Variants in EYS observed in about 807,000 individuals in gnomAD.
EYS encodes the protein protein eyes shut homolog.
Under a neutral mutation model 282.1 loss-of-function variants are expected in EYS, and 250 were observed. The ratio of observed to expected loss-of-function variants is 0.89; its 90% confidence interval spans 0.80 to 0.98. The LOEUF is 0.98. Ranked by LOEUF, EYS falls within the 50% of genes least tolerant of loss-of-function variation. EYS has a pLI of 0.00. For synonymous variants in EYS, 1,355 were observed against 1,282.9 expected (o/e 1.06, Z -1.20); for missense variants, 4,016 against 3,709.0 (o/e 1.08, Z -2.15).
At chr6:65,156,202 T>C (rs1764724241) in intron 12 of EYS, among the ~76,000 whole-genome samples, 1 of 151,146 alleles carries the variant, frequency 6.6e-6, no homozygotes, top group Admixed American at 6.6e-5. Flanking sequence ...ATAAGACTGC[T>C]TCAGAGACTC....
At chr6:63,864,443 CAT>C in intron 35 of EYS, 85 bp from the exon 36 acceptor site, 1 of 881,082 alleles carries the variant, frequency 1.1e-6, no homozygotes. Flanking sequence ...TGCATGAACA[CAT>C]ATGCAAATAA....
chr6:65,501,982 C>T (rs189489685), intron 2 of EYS, among the ~76,000 whole-genome samples: 1,803 of 151,662 alleles, frequency 0.012, 19 homozygotes, highest in Middle Eastern at 0.045. Flanking sequence ...TTTTGTACTT[C>T]CTTTTCCTTT....
At chr6:65,647,066 A>C (rs540615478) in intron 1 of EYS, among the ~76,000 whole-genome samples, 20 of 152,166 alleles carry the variant, frequency 1.3e-4, no homozygotes, top group Non-Finnish European at 7.4e-5. Flanking sequence ...GTAGAATCGA[A>C]ATCATGAAAA....
intron 24 of EYS, among the ~76,000 whole-genome samples, chr6:64,605,437 T>G (rs1766897012): frequency 6.6e-6 from 1 of 151,982 alleles, no homozygotes; most frequent in Non-Finnish European, 1.5e-5. Flanking sequence ...AAGAAATTAC[T>G]CTGTGTCAGT....
At position 64,443,336 on chromosome 6, in the gene EYS, T is replaced by C. The variant is rs974768994; in HGVS notation, c.5645-3984A>G. 4.6e-5 allele frequency among the ~76,000 whole-genome samples: 7 copies of C among 152,212 alleles called. No individual in the cohort carries two copies. In the East Asian group the frequency reaches 1.3e-3, roughly 29 times the overall value. On this transcript the variant is annotated intron_variant, in intron 26 of 42. Transcript: ENST00000503581. Reference sequence around the variant, plus strand: ...TGTATCTAGGAAGCAATTAACTTGCTTTTGCTTTTACAGGCTCATAGTGGG... The same window carrying C: ...TGTATCTAGGAAGCAATTAACTTGCCTTTGCTTTTACAGGCTCATAGTGGG...
intron 5 of EYS, among the ~76,000 whole-genome samples, chr6:65,476,263 T>C (rs1765402002): frequency 6.6e-6 from 1 of 152,130 alleles, no homozygotes. Flanking sequence ...AAAGCTCTAA[T>C]TTCAATTATA....
chr6:65,519,350 T>C (rs867299780), intron 2 of EYS, among the ~76,000 whole-genome samples: 7 of 151,774 alleles, frequency 4.6e-5, no homozygotes, highest in Admixed American at 1.3e-4. Context: ...AGTTCGAACA[T>C]TGTGCTAGTT....
intron 30 of EYS, among the ~76,000 whole-genome samples, chr6:64,288,223 G>GT (rs1275449051): frequency 6.6e-6 from 1 of 151,940 alleles, no homozygotes; most frequent in Non-Finnish European, 1.5e-5. Context: ...TCATTTTAAT[G>GT]TTTTTTTCCT....
intron 26 of EYS, among the ~76,000 whole-genome samples, chr6:64,439,626 G>T (rs981405955): frequency 2.2e-4 from 34 of 151,632 alleles, no homozygotes; most frequent in Admixed American, 2.1e-3. Flanking sequence ...TATGTTACAG[G>T]TTAACAGAAA....
At chr6:64,614,448 A>T (rs674985) in intron 24 of EYS, among the ~76,000 whole-genome samples, 123,135 of 151,946 alleles carry the variant, frequency 0.81, 50,576 homozygotes, top group African/African-American at 0.96. Context: ...CTCAGGTATG[A>T]CAGGGAGTCT....
intron 32 of EYS, among the ~76,000 whole-genome samples, chr6:64,068,607 G>C (rs868711411): frequency 4.0e-5 from 6 of 151,874 alleles, no homozygotes; most frequent in Non-Finnish European, 8.8e-5. Context: ...GTAAACATGT[G>C]TAACAAACCT....
intron 2 of EYS, among the ~76,000 whole-genome samples, chr6:65,540,019 T>TA (rs1768104704): frequency 6.6e-6 from 1 of 152,192 alleles, no homozygotes. Flanking sequence ...TATCTTTGCA[T>TA]AAAAAAGTTT....
intron 13 of EYS, among the ~76,000 whole-genome samples, chr6:65,008,446 GA>G (rs1404458140): frequency 6.9e-6 from 1 of 144,484 alleles, no homozygotes; most frequent in Non-Finnish European, 1.5e-5. Flanking sequence ...GGAGCAGGTG[GA>G]ACAGGACAAA....
At chr6:64,028,151 C>A (rs1769627785) in intron 33 of EYS, among the ~76,000 whole-genome samples, 1 of 152,124 alleles carries the variant, frequency 6.6e-6, no homozygotes, top group Non-Finnish European at 1.5e-5. Context: ...ATATGGGGAA[C>A]AAGTTACCCA....
At chr6:65,330,517 T>G (rs1769756173) in intron 11 of EYS, 1 of 984,288 alleles carries the variant, frequency 1.0e-6, no homozygotes, top group African/African-American at 1.7e-5. Context: ...CCAGAAAAAT[T>G]TTTTGAAGAT....
chr6:64,685,149 G>T (rs1770043986), intron 22 of EYS, among the ~76,000 whole-genome samples: 1 of 151,986 alleles, frequency 6.6e-6, no homozygotes, highest in Non-Finnish European at 1.5e-5. Context: ...GACAGAAAAA[G>T]TCAAGATGGG....
At chr6:63,747,871 C>T (rs1192805965) in intron 41 of EYS, among the ~76,000 whole-genome samples, 1 of 151,840 alleles carries the variant, frequency 6.6e-6, no homozygotes, top group African/African-American at 2.4e-5. Flanking sequence ...CTCCTGAATA[C>T]AGCACACCGA....
At chr6:64,939,663 T>A (rs982968978) in intron 15 of EYS, among the ~76,000 whole-genome samples, 9 of 149,400 alleles carry the variant, frequency 6.0e-5, no homozygotes, top group African/African-American at 2.3e-4. Flanking sequence ...AGTGATGTAT[T>A]TCATACACAC....
chr6:63,903,612 C>T (rs1773707403), intron 35 of EYS, among the ~76,000 whole-genome samples: 2 of 152,114 alleles, frequency 1.3e-5, no homozygotes, highest in Non-Finnish European at 2.9e-5. Context: ...TACCCTAGTC[C>T]CCCTACCCCG....
Sources: gnomAD v4.1 joint callset for allele counts (sites outside exome capture counted in the v4.1 genomes callset) on GRCh38, gnomAD v4.1.1 for gene constraint, MANE v1.5 for transcripts, NCBI Gene and HGNC (gene_info 2026-07-23, HGNC 2026-07-21) for gene names.